Variants in FLVCR1 observed in about 807,000 individuals in gnomAD.
The protein encoded by FLVCR1 is choline/ethanolamine transporter FLVCR1.
A neutral mutation model predicts 53.6 loss-of-function variants in FLVCR1; 34 were observed. That is an observed-to-expected ratio of 0.63 (90% CI 0.48 to 0.84). The LOEUF (loss-of-function observed/expected upper bound fraction) is 0.84, where lower values mean the gene tolerates loss of function less well. Among genes scored for constraint, FLVCR1 ranks in the 40% least tolerant of loss-of-function variants. FLVCR1 has a pLI of 0.00. For synonymous variants in FLVCR1, 300 were observed against 286.3 expected (o/e 1.05, Z -0.48); for missense variants, 677 against 696.7 (o/e 0.97, Z 0.32).
At chr1:212,889,656 G>C (rs1665140579) in intron 8 of FLVCR1, among the ~76,000 whole-genome samples, 1 of 151,394 alleles carries the variant, frequency 6.6e-6, no homozygotes, top group African/African-American at 2.4e-5. Context: ...TACTTGGGAG[G>C]CTGAGGCAGG....
intron 2 of FLVCR1, among the ~76,000 whole-genome samples, chr1:212,865,831 A>G (rs1462269298): frequency 1.9e-5 from 2 of 103,426 alleles, no homozygotes; most frequent in African/African-American, 3.7e-5. Context: ...TTTTTTTTTT[A>G]TCAAGACGGA....
At chr1:212,892,225 TC>T (rs1219215723) in intron 8 of FLVCR1, among the ~76,000 whole-genome samples, 1 of 152,190 alleles carries the variant, frequency 6.6e-6, no homozygotes, top group African/African-American at 2.4e-5. Context: ...CCACAAATTT[TC>T]CATGTAGATG....
At chr1:212,877,314 A>G (rs1478174828) in intron 3 of FLVCR1, among the ~76,000 whole-genome samples, 1 of 151,534 alleles carries the variant, frequency 6.6e-6, no homozygotes, top group Non-Finnish European at 1.5e-5. Flanking sequence ...TATCTCCCCA[A>G]TTAGATGATC....
rs769385147 is a variant in FLVCR1, at chr1:212,895,017, C to T, written c.1557C>T (p.Asn519=). Residue 519 remains asparagine, a synonymous_variant, in exon 9 of 10, where the codon AAC becomes AAT. Coordinates refer to ENST00000366971, the MANE Select transcript of FLVCR1 (RefSeq NM_014053.4). ...ALIKSDLRRH[N]INIGITNVDV... ...TCAAGTCTGATCTGCGAAGACACAA[C>T]ATAAATATAGGAATTACAAATGTTG... 6.2e-7 allele frequency: 1 copy of T among 1,602,418 alleles called. No individual in the cohort carries two copies. Among genetic ancestry groups the T allele is most frequent in the East Asian group, 2.2e-5 (1 of 44,748 alleles).
intron 8 of FLVCR1, among the ~76,000 whole-genome samples, chr1:212,892,531 C>G (rs2102573863): frequency 6.6e-6 from 1 of 152,292 alleles, no homozygotes; most frequent in East Asian, 1.9e-4. Context: ...ATTGTTGAAG[C>G]CTGCTACTGA....
At chr1:212,865,376 G>T (rs909730453) in intron 2 of FLVCR1, among the ~76,000 whole-genome samples, 2 of 150,702 alleles carry the variant, frequency 1.3e-5, no homozygotes, top group Non-Finnish European at 2.9e-5. Flanking sequence ...GAGAGCATGC[G>T]GTAAAAACAC....
chr1:212,889,295 C>A (rs1277131218), intron 8 of FLVCR1, 38 bp downstream of exon 8: 3 of 1,286,372 alleles, frequency 2.3e-6, no homozygotes, highest in South Asian at 1.2e-5. Context: ...GGACTTGTGT[C>A]ATGTGTTAAT....
intron 3 of FLVCR1, among the ~76,000 whole-genome samples, chr1:212,875,561 G>A (rs141961051): frequency 4.6e-5 from 7 of 152,268 alleles, no homozygotes; most frequent in African/African-American, 1.7e-4. Context: ...TACTTACTGG[G>A]GCTGGGCACA....
rs1158267398 is a variant in FLVCR1 at position 212,858,405 on chromosome 1, G to A, written c.-48G>A. 2.1e-6 allele frequency: 3 copies of A among 1,416,732 alleles called. No individual in the cohort carries two copies. The African/African-American group carries it at 4.4e-5, about 21-fold the overall frequency. 87.8% of individuals were successfully genotyped at this position (1,416,732 alleles called of 1,614,324 possible). ...TCGGGCTGTGGGCCGGGAGAGCGGA[G>A]TCGGGGAGTGGGGCGGGGGAGCGAG... On this transcript the variant is annotated 5_prime_UTR_variant, in exon 1 of 10. Transcript: ENST00000366971.
chr1:212,869,620 A>G (rs1407313519), intron 2 of FLVCR1, among the ~76,000 whole-genome samples: 1 of 152,148 alleles, frequency 6.6e-6, no homozygotes, highest in Non-Finnish European at 1.5e-5. Flanking sequence ...CTTGGCTCAC[A>G]GCAACCTCCG....
intron 7 of FLVCR1, 71 bp from the exon 8 acceptor site, chr1:212,889,075 C>A: frequency 1.8e-6 from 2 of 1,097,680 alleles, no homozygotes. Flanking sequence ...AAGAAAAGTT[C>A]TGGTGAAAAC....
At chr1:212,893,068 G>GT (rs961875915) in intron 8 of FLVCR1, among the ~76,000 whole-genome samples, 14 of 67,550 alleles carry the variant, frequency 2.1e-4, no homozygotes, top group South Asian at 1.5e-3. Flanking sequence ...TTTTTTTTGG[G>GT]GGGGGGTGCC....
At chr1:212,880,843 G>T (rs1036068370) in intron 3 of FLVCR1, among the ~76,000 whole-genome samples, 1 of 150,056 alleles carries the variant, frequency 6.7e-6, no homozygotes, top group African/African-American at 2.4e-5. Flanking sequence ...TCAGTGGCCT[G>T]AAACATGAAA....
chr1:212,874,557 T>G (rs1389080702), intron 3 of FLVCR1, among the ~76,000 whole-genome samples: 1 of 146,156 alleles, frequency 6.8e-6, no homozygotes, highest in South Asian at 2.2e-4. Flanking sequence ...GAGATGGAGT[T>G]TCTCTCTGTC....
chr1:212,873,993 C>T (rs181189690), intron 3 of FLVCR1, among the ~76,000 whole-genome samples: 33 of 152,210 alleles, frequency 2.2e-4, no homozygotes, highest in South Asian at 1.0e-3. Context: ...TCATCTATTT[C>T]CTCCAGTTTT....
chr1:212,865,268 A>C (rs1413633332), intron 2 of FLVCR1, among the ~76,000 whole-genome samples: 1 of 142,674 alleles, frequency 7.0e-6, no homozygotes, highest in Non-Finnish European at 1.5e-5. Context: ...TCCTAATGCT[A>C]TCCCTCCCCC....
intron 8 of FLVCR1, among the ~76,000 whole-genome samples, chr1:212,891,561 A>C (rs1665194658): frequency 6.6e-6 from 1 of 152,250 alleles, no homozygotes; most frequent in Non-Finnish European, 1.5e-5. Context: ...AGTCTAGAAA[A>C]TTAAGAAGTG....
At chr1:212,869,345 G>A (rs993568502) in intron 2 of FLVCR1, among the ~76,000 whole-genome samples, 20 of 152,174 alleles carry the variant, frequency 1.3e-4, no homozygotes, top group African/African-American at 4.6e-4. Flanking sequence ...GTAGCAGTTA[G>A]GTGTAAACAA....
chr1:212,896,173 A>G lies in FLVCR1; in HGVS notation c.*883A>G, dbSNP rs1329830528. ...TGATGTGTAACTTTCTAGTAAGATA[A>G]TTTCATCATGTATGTTACTGGCTAT... On this transcript the variant is annotated 3_prime_UTR_variant, in exon 10 of 10. Coordinates refer to ENST00000366971, the MANE Select transcript of FLVCR1 (RefSeq NM_014053.4). 6.6e-6 allele frequency: 1 copy of G among 150,712 alleles called. No homozygotes were observed. Among genetic ancestry groups the G allele is most frequent in the East Asian group, 1.9e-4 (1 of 5,180 alleles). The allele number at this position is 150,712 out of a possible 1,614,324, so 9.3% of individuals were successfully genotyped here.
Sources: allele counts gnomAD v4.1 joint callset (sites outside exome capture counted in the v4.1 genomes callset), GRCh38; gene constraint gnomAD v4.1.1; transcripts MANE v1.5; gene names NCBI Gene and HGNC (gene_info 2026-07-23, HGNC 2026-07-21).